Variants in WDR33 observed in about 807,000 individuals in gnomAD.
WDR33 encodes pre-mRNA 3' end processing protein WDR33.
In WDR33, 47 loss-of-function variants were observed where a neutral mutation model predicts 164.9. The ratio of observed to expected loss-of-function variants is 0.29; its 90% CI spans 0.23 to 0.36. The LOEUF (loss-of-function observed/expected upper bound fraction) is 0.36. Ranked by LOEUF, WDR33 falls within the 10% of genes least tolerant of loss-of-function variation. WDR33 has a pLI of 1.00. For synonymous variants in WDR33, 505 were observed against 589.0 expected (o/e 0.86, Z 2.06); for missense variants, 1,137 against 1,754.1 (o/e 0.65, Z 6.28).
rs957812767 is a variant in WDR33, at chr2:127,708,471, G to A, written c.3781+206C>T. On this transcript the variant is annotated intron_variant, in intron 21 of 21. Coordinates refer to ENST00000322313, the MANE Select transcript of WDR33 (RefSeq NM_018383.5). This position sits in a 1 kb window ranked among gnomAD's most constrained non-coding sequence, Gnocchi z 6.7. ...CAGAGGGCTGAAGTGAAAACCTCAA[G>A]TGAACAGGGATTCCCGGAGGCAAGT... Among the ~76,000 whole-genome samples, 11 of 152,360 alleles carry A rather than the reference G, an allele frequency of 7.2e-5. No individual in the cohort carries two copies. Among genetic ancestry groups the A allele is most frequent in the African/African-American group, 2.6e-4 (11 of 41,590 alleles).
In WDR33 at chr2:127,735,909, C is replaced by T. The variant is rs1686827014; in HGVS notation, c.725-9132G>A. The T allele has an allele frequency of 3.0e-6, 3 of 985,292 alleles. No individual in the cohort carries two copies. Among genetic ancestry groups the T allele is most frequent in the African/African-American group, 1.7e-5 (1 of 57,220 alleles). 61.0% of individuals were successfully genotyped at this position (985,292 alleles called of 1,614,324 possible). ...CTTTGTTGTCCAGTCTAGAAAGTTACATCAGTGAAAAACTATAGAATTAAA... is the reference window on the plus strand; with the variant it reads ...CTTTGTTGTCCAGTCTAGAAAGTTATATCAGTGAAAAACTATAGAATTAAA... On this transcript the variant is annotated intron_variant, in intron 7 of 21. Transcript: ENST00000322313. The surrounding 1 kb of genome is among the most constrained non-coding windows in gnomAD (Gnocchi z 4.3).
chr2:127,702,105 G>C lies in WDR33; in HGVS notation c.*4218C>G, dbSNP rs1685906996. ...GGTTGGGCTGCTGCCCTGGGGCGGC[G>C]GCACCGCGCTGCGCCTCGCACTGGG... On this transcript the variant is annotated 3_prime_UTR_variant, in exon 22 of 22. Coordinates refer to ENST00000322313, the MANE Select transcript of WDR33 (RefSeq NM_018383.5). 11 of 1,217,326 alleles carry C rather than the reference G, an allele frequency of 9.0e-6. No individual in the cohort carries two copies. The South Asian group carries it at 4.0e-4, about 44-fold the overall frequency. The allele number at this position is 1,217,326 out of a possible 1,614,324, so 75.4% of individuals were successfully genotyped here. A position where few individuals can be genotyped will look rare whatever the true frequency, so the allele number is the denominator to read the frequency against.
Position 127,735,333 on chromosome 2 carries a change from C to T in WDR33, c.725-8556G>A. 1 of 974,948 alleles carries T rather than the reference C, an allele frequency of 1.0e-6. No individual in the cohort carries two copies. Among genetic ancestry groups the T allele is most frequent in the South Asian group, 4.7e-5 (1 of 21,068 alleles). The allele number at this position is 974,948 out of a possible 1,614,324, so 60.4% of individuals were successfully genotyped here. A position where few individuals can be genotyped will look rare whatever the true frequency, so the allele number is the denominator to read the frequency against. ...CCTGTTACCCCAAGCCCCTAAATAA[C>T]CTGTCTTGAGACAGTCCATAGGATC... is the stretch of plus-strand genomic sequence containing the variant. On this transcript the variant is annotated intron_variant, in intron 7 of 21. Coordinates refer to ENST00000322313, the MANE Select transcript of WDR33 (RefSeq NM_018383.5). The surrounding 1 kb of genome is among the most constrained non-coding windows in gnomAD (Gnocchi z 4.3).
chr2:127,752,330 C>A (rs1282748703), intron 7 of WDR33, among the ~76,000 whole-genome samples: 1 of 152,048 alleles, frequency 6.6e-6, no homozygotes, highest in Non-Finnish European at 1.5e-5. Context: ...GTGGCTCACG[C>A]CTGTAATCCC....
chr2:127,736,387 AG>A, intron 7 of WDR33: 1 of 985,434 alleles, frequency 1.0e-6, no homozygotes, highest in Non-Finnish European at 1.2e-6. Context: ...GCAAAATGTA[AG>A]GATTTGATCA....
At chr2:127,797,048 T>C (rs1689065691) in intron 1 of WDR33, among the ~76,000 whole-genome samples, 1 of 152,024 alleles carries the variant, frequency 6.6e-6, no homozygotes, top group Non-Finnish European at 1.5e-5. Flanking sequence ...ACAAAGCACA[T>C]GAATGTCCAT....
At chr2:127,802,832 T>C (rs1021818790) in intron 1 of WDR33, among the ~76,000 whole-genome samples, 1 of 151,732 alleles carries the variant, frequency 6.6e-6, no homozygotes, top group Non-Finnish European at 1.5e-5. Flanking sequence ...ACACAAAAAA[T>C]TAGCCAGGCA....
chr2:127,809,031 C>CAAAAAAA lies in WDR33; in HGVS notation c.-24+1974_-24+1980dup, dbSNP rs11305287. Among the ~76,000 whole-genome samples, 194 of 84,906 alleles carry CAAAAAAA rather than the reference C, an allele frequency of 2.3e-3. 3 individuals are homozygous for CAAAAAAA. The highest frequency in any genetic ancestry group is 8.7e-3 in the African/African-American group (188 of 21,516). 55.7% of individuals were successfully genotyped at this position (84,906 alleles called of 152,430 possible). A position where few individuals can be genotyped will look rare whatever the true frequency, so the allele number is the denominator to read the frequency against. On this transcript the variant is annotated intron_variant, in intron 1 of 21. Transcript: ENST00000322313. ...GGGCGACAGAGCGAAACTCTTGTCT[C>CAAAAAAA]AAAAAAAAAAAAAAAAAAAAAAGAA...
rs1687733451 is a variant in WDR33, at chr2:127,763,348, G to A, written c.627-189C>T. On this transcript the variant is annotated intron_variant, in intron 6 of 21. Coordinates refer to ENST00000322313, the MANE Select transcript of WDR33 (RefSeq NM_018383.5). This position sits in a 1 kb window ranked among gnomAD's most constrained non-coding sequence, Gnocchi z 4.5. ...ATCTCATCAAAAGAAGACTTCAACAGAGCAGTTGTTTGAGTTTTCAATCAT... is the reference window on the plus strand; with the variant it reads ...ATCTCATCAAAAGAAGACTTCAACAAAGCAGTTGTTTGAGTTTTCAATCAT... 1 of 1,410,498 alleles carries A rather than the reference G, an allele frequency of 7.1e-7. No homozygotes were observed. Among genetic ancestry groups the A allele is most frequent in the African/African-American group, 1.4e-5 (1 of 69,286 alleles). 87.4% of individuals were successfully genotyped at this position (1,410,498 alleles called of 1,614,324 possible).
rs1032717133 is a variant in WDR33 at position 127,710,999 on chromosome 2, C to T, written c.3309-1143G>A. Among the ~76,000 whole-genome samples the T allele has an allele frequency of 4.6e-5, 7 of 152,232 alleles. No individual in the cohort carries two copies. The highest frequency in any genetic ancestry group is 8.8e-5 in the Non-Finnish European group (6 of 68,038). On this transcript the variant is annotated intron_variant, in intron 18 of 21. Coordinates refer to ENST00000322313, the MANE Select transcript of WDR33 (RefSeq NM_018383.5). The surrounding 1 kb of genome is among the most constrained non-coding windows in gnomAD (Gnocchi z 4.4). Reference sequence around the variant, plus strand: ...TTTGAAAATCAGTTGCCAACACGAGCTTTACCCCTAAATCCTTCAGTCCAT... The same window carrying T: ...TTTGAAAATCAGTTGCCAACACGAGTTTTACCCCTAAATCCTTCAGTCCAT...
At position 127,726,626 on chromosome 2, in the gene WDR33, C is replaced by T; in HGVS notation, c.851+25G>A. On this transcript the variant is annotated intron_variant, in intron 8 of 21. Coordinates refer to ENST00000322313, the MANE Select transcript of WDR33 (RefSeq NM_018383.5). This position sits in a 1 kb window ranked among gnomAD's most constrained non-coding sequence, Gnocchi z 4.8. Reference sequence around the variant, plus strand: ...TGCTTTGCTCCCCTTTGTTCAGGGGCCAAGGTGGGGTTCCTGTCACTTACA... The same window carrying T: ...TGCTTTGCTCCCCTTTGTTCAGGGGTCAAGGTGGGGTTCCTGTCACTTACA... The T allele has an allele frequency of 6.2e-7, 1 of 1,612,676 alleles. No homozygotes were observed. Among genetic ancestry groups the T allele is most frequent in the Non-Finnish European group, 8.5e-7 (1 of 1,179,282 alleles).
chr2:127,805,156 C>T (rs1339297811), intron 1 of WDR33, among the ~76,000 whole-genome samples: 1 of 143,512 alleles, frequency 7.0e-6, no homozygotes, highest in Non-Finnish European at 1.5e-5. Flanking sequence ...CGGCTCACTG[C>T]AGCCTCCACC....
intron 1 of WDR33, among the ~76,000 whole-genome samples, chr2:127,787,825 T>G (rs1688649969): frequency 1.1e-5 from 1 of 88,506 alleles, no homozygotes; most frequent in Non-Finnish European, 2.2e-5. Flanking sequence ...ACGGGGCGGC[T>G]GGCCGGGCGG....
chr2:127,778,623 G>A (rs1688268160), intron 1 of WDR33, among the ~76,000 whole-genome samples: 1 of 151,974 alleles, frequency 6.6e-6, no homozygotes, highest in Non-Finnish European at 1.5e-5. Context: ...ACACTACTAC[G>A]CTGTGTGAGA....
intron 21 of WDR33, among the ~76,000 whole-genome samples, chr2:127,707,751 G>C (rs546160562): frequency 6.4e-4 from 98 of 152,336 alleles, no homozygotes; most frequent in African/African-American, 2.2e-3. Context: ...GATCACTTGA[G>C]GCCAGGAGTT....
In WDR33 at chr2:127,711,261, C is replaced by T. The variant is rs1198853333; in HGVS notation, c.3309-1405G>A. Among the ~76,000 whole-genome samples the T allele has an allele frequency of 2.6e-5, 4 of 152,058 alleles. No homozygotes were observed. The East Asian group carries it at 7.8e-4, about 30-fold the overall frequency. Reference sequence around the variant, plus strand: ...CCAACATGGCTAAACCCCATCTTTACTAAAAATACAAAAATTAGCTGGGCG... The same window carrying T: ...CCAACATGGCTAAACCCCATCTTTATTAAAAATACAAAAATTAGCTGGGCG... On this transcript the variant is annotated intron_variant, in intron 18 of 21. Coordinates refer to ENST00000322313, the MANE Select transcript of WDR33 (RefSeq NM_018383.5).
rs189387315 is a variant in WDR33 at position 127,703,669 on chromosome 2, G to A, written c.*2654C>T. On this transcript the variant is annotated 3_prime_UTR_variant, in exon 22 of 22. Coordinates refer to ENST00000322313, the MANE Select transcript of WDR33 (RefSeq NM_018383.5). Reference sequence around the variant, plus strand: ...AGAGCAAATGCAGTATCTTCAGAATGATTTATTTTTTTAATTAATTGTAAA... The same window carrying A: ...AGAGCAAATGCAGTATCTTCAGAATAATTTATTTTTTTAATTAATTGTAAA... 1.8e-5 allele frequency: 3 copies of A among 167,016 alleles called. No homozygotes were observed. Among genetic ancestry groups the A allele is most frequent in the Non-Finnish European group, 4.4e-5 (3 of 68,100 alleles). 10.3% of individuals were successfully genotyped at this position (167,016 alleles called of 1,614,324 possible). A position where few individuals can be genotyped will look rare whatever the true frequency, so the allele number is the denominator to read the frequency against.
At chr2:127,767,921 G>A (rs1239791760) in intron 4 of WDR33, among the ~76,000 whole-genome samples, 1 of 152,088 alleles carries the variant, frequency 6.6e-6, no homozygotes, top group East Asian at 1.9e-4. Flanking sequence ...ACGCAACTCT[G>A]AGACCTGCTA....
At chr2:127,743,114 G>A (rs867155549) in intron 7 of WDR33, among the ~76,000 whole-genome samples, 3 of 151,980 alleles carry the variant, frequency 2.0e-5, no homozygotes, top group Non-Finnish European at 4.4e-5. Flanking sequence ...CCTCCTAAGC[G>A]CTATTTCTGA....
Sources: allele counts gnomAD v4.1 joint callset (sites outside exome capture counted in the v4.1 genomes callset), GRCh38; gene constraint gnomAD v4.1.1; non-coding constraint Gnocchi (gnomAD v3.1); transcripts MANE v1.5; gene names NCBI Gene and HGNC (gene_info 2026-07-23, HGNC 2026-07-21).